Variants in TMTC4 observed in about 807,000 individuals in gnomAD.
The protein encoded by TMTC4 is protein O-mannosyl-transferase TMTC4.
TMTC4 carries 65 observed loss-of-function variants against 86.0 expected under a neutral mutation model. The ratio of observed to expected loss-of-function variants is 0.76; its 90% CI spans 0.62 to 0.93. The LOEUF (loss-of-function observed/expected upper bound fraction) is 0.93. Ranked by LOEUF, TMTC4 falls within the 40% of genes least tolerant of loss-of-function variation. The probability of loss-of-function intolerance (pLI) is 0.00; values close to 1 mark genes in which losing one functional copy is unlikely to be tolerated. For synonymous variants in TMTC4, 379 were observed against 382.5 expected (o/e 0.99, Z 0.11); for missense variants, 866 against 948.1 (o/e 0.91, Z 1.14).
chr13:100,618,729 A>G (rs1878965307), intron 15 of TMTC4, among the ~76,000 whole-genome samples: 1 of 152,114 alleles, frequency 6.6e-6, no homozygotes, highest in Non-Finnish European at 1.5e-5. Context: ...TGTTTAACAA[A>G]GCACATCTTG....
intron 5 of TMTC4, among the ~76,000 whole-genome samples, chr13:100,658,138 G>A (rs901438131): frequency 1.3e-5 from 2 of 152,174 alleles, no homozygotes; most frequent in African/African-American, 4.8e-5. Flanking sequence ...CTCAGGGCTG[G>A]AAACTCACTC....
At chr13:100,637,054 C>T (rs192610554) in intron 9 of TMTC4, among the ~76,000 whole-genome samples, 1 of 152,304 alleles carries the variant, frequency 6.6e-6, no homozygotes, top group Admixed American at 6.5e-5. Flanking sequence ...GTCACCTATA[C>T]ACCCAATAAC....
intron 2 of TMTC4, 144 bp downstream of exon 2, chr13:100,670,216 T>A (rs1886916406): frequency 1.2e-6 from 1 of 820,882 alleles, no homozygotes; most frequent in African/African-American, 1.8e-5. Context: ...TGGATGTATT[T>A]GTTTCTGGAT....
upstream of TMTC4, chr13:100,674,900 G>A (rs1887675802): frequency 4.1e-6 from 4 of 983,070 alleles, no homozygotes; most frequent in South Asian, 4.7e-5. Flanking sequence ...GCGCGCGGGC[G>A]CCCCCCAGCA....
At chr13:100,669,610 C>T (rs1886823669) in intron 2 of TMTC4, among the ~76,000 whole-genome samples, 1 of 152,140 alleles carries the variant, frequency 6.6e-6, no homozygotes, top group Non-Finnish European at 1.5e-5. Flanking sequence ...TCATCCTTGC[C>T]ATGTGTTAGT....
chr13:100,665,981 T>C (rs1192916329), intron 3 of TMTC4: 1 of 456,292 alleles, frequency 2.2e-6, no homozygotes, highest in African/African-American at 2.0e-5. Flanking sequence ...TCTTCTACAC[T>C]CTTACAGAAG....
intron 12 of TMTC4, among the ~76,000 whole-genome samples, chr13:100,632,053 A>ACACACACACACTCTCTCT (rs1296569630): frequency 1.0e-3 from 45 of 43,120 alleles, no homozygotes; most frequent in South Asian, 3.0e-3. Context: ...ACACACACAC[A>ACACACACACACTCTCTCT]CTCTCTCTCT....
chr13:100,672,227 C>A (rs1239293836), intron 1 of TMTC4, among the ~76,000 whole-genome samples: 2 of 152,244 alleles, frequency 1.3e-5, no homozygotes, highest in African/African-American at 4.8e-5. Context: ...GGGCTGAGCA[C>A]TAGGGCCAGC....
chr13:100,641,403 G>C (rs1161222511), intron 7 of TMTC4, among the ~76,000 whole-genome samples: 1 of 152,172 alleles, frequency 6.6e-6, no homozygotes, highest in Non-Finnish European at 1.5e-5. Context: ...GTGGAGGAAT[G>C]ACGAGAAGAG....
intron 17 of TMTC4, among the ~76,000 whole-genome samples, chr13:100,608,300 G>C (rs570363477): frequency 1.3e-5 from 2 of 152,336 alleles, no homozygotes; most frequent in Admixed American, 6.5e-5. Context: ...CCTTGTTAGA[G>C]GGCCACTGCT....
intron 4 of TMTC4, 94 bp downstream of exon 4, chr13:100,664,127 C>T (rs1886125146): frequency 1.8e-6 from 2 of 1,134,074 alleles, no homozygotes; most frequent in South Asian, 3.3e-5. Context: ...TGACTAGACT[C>T]CTGAATGCTG....
intron 3 of TMTC4, 108 bp downstream of exon 3, chr13:100,668,471 G>T: frequency 8.7e-7 from 1 of 1,153,494 alleles, no homozygotes; most frequent in Non-Finnish European, 1.2e-6. Flanking sequence ...CGGGGCCCAG[G>T]CCAATGCTTA....
At chr13:100,658,148 C>T (rs1441391292) in intron 5 of TMTC4, among the ~76,000 whole-genome samples, 2 of 152,162 alleles carry the variant, frequency 1.3e-5, no homozygotes, top group Non-Finnish European at 2.9e-5. Flanking sequence ...GAAACTCACT[C>T]CATCAGGGAC....
At chr13:100,662,246 G>A (rs1594368150) in intron 5 of TMTC4, among the ~76,000 whole-genome samples, 2 of 143,710 alleles carry the variant, frequency 1.4e-5, no homozygotes, top group Non-Finnish European at 1.5e-5. Flanking sequence ...GGTGATCAGG[G>A]TGAGGTGGAG....
Position 100,630,251 on chromosome 13 carries a change from G to C in TMTC4, c.1507-4101C>G, listed in dbSNP as rs1038049443. ...TACAGCACTTCGTCAAACATACTTA[G>C]ATTTCTGGAAGAATATGCAGCAGTG... On this transcript the variant is annotated intron_variant, in intron 12 of 18. Coordinates refer to ENST00000342624, the MANE Select transcript of TMTC4 (RefSeq NM_032813.5). Among the ~76,000 whole-genome samples the C allele has an allele frequency of 5.3e-5, 8 of 152,164 alleles. No individual in the cohort carries two copies. In the East Asian group the frequency reaches 1.5e-3, roughly 29 times the overall value.
At chr13:100,628,389 T>C (rs1880861285) in intron 12 of TMTC4, among the ~76,000 whole-genome samples, 1 of 152,182 alleles carries the variant, frequency 6.6e-6, no homozygotes, top group Admixed American at 6.5e-5. Context: ...GTTTGTCCAT[T>C]TGTCCCTGGA....
rs188829282 is a variant in TMTC4 at position 100,637,266 on chromosome 13, A to G, written c.999+272T>C. 2.5e-3 allele frequency among the ~76,000 whole-genome samples: 380 copies of G among 152,136 alleles called. 1 individual carries two copies. Among genetic ancestry groups the G allele is most frequent in the Non-Finnish European group, 3.3e-3 (224 of 67,996 alleles). Reference sequence around the variant, plus strand: ...CAGGGTTAGGGAGCCCTTTCACGGGACTGGCAAGGACCCTGATGTGAGAAG... The same window carrying G: ...CAGGGTTAGGGAGCCCTTTCACGGGGCTGGCAAGGACCCTGATGTGAGAAG... On this transcript the variant is annotated intron_variant, in intron 9 of 18. Coordinates refer to ENST00000342624, the MANE Select transcript of TMTC4 (RefSeq NM_032813.5).
Position 100,605,253 on chromosome 13 carries a change from G to A in TMTC4, c.2135-111C>T. On this transcript the variant is annotated intron_variant, in intron 18 of 18. Transcript: ENST00000342624. The surrounding 1 kb of genome is among the most constrained non-coding windows in gnomAD (Gnocchi z 4.3). ...GATCCTATGCAAACAGTTTTCAAAA[G>A]TCAATTGTATGAAACAATATTGTTT... 10 of 1,256,714 alleles carry A rather than the reference G, an allele frequency of 8.0e-6. No individual in the cohort carries two copies. The highest frequency in any genetic ancestry group is 1.1e-5 in the Non-Finnish European group (10 of 912,366). The allele number at this position is 1,256,714 out of a possible 1,614,324, so 77.8% of individuals were successfully genotyped here. A position where few individuals can be genotyped will look rare whatever the true frequency, so the allele number is the denominator to read the frequency against.
At position 100,664,314 on chromosome 13, in the gene TMTC4, A is replaced by G. The variant is rs1216280559; in HGVS notation, c.242T>C (p.Leu81Pro). The change falls in exon 4 of 19, where the codon CTG becomes CCG. Residue 81 changes from leucine to proline, a missense_variant. Leu to Pro is a moderately conservative substitution (Grantham distance 98, BLOSUM62 -3). Coordinates refer to ENST00000342624, the MANE Select transcript of TMTC4 (RefSeq NM_032813.5). ...NNKDLQAETPLGDLWHHDFWG... is the reference protein window; with the variant it reads ...NNKDLQAETPPGDLWHHDFWG... ...GAAGTCATGATGCCACAGGTCCCCC[A>G]GGGGCGTTTCTGCTTGGAGGTCCTG... 1 of 1,610,420 alleles carries G rather than the reference A, an allele frequency of 6.2e-7. No homozygotes were observed. Among genetic ancestry groups the G allele is most frequent in the Admixed American group, 1.7e-5 (1 of 59,662 alleles).
Sources: allele counts gnomAD v4.1 joint callset (sites outside exome capture counted in the v4.1 genomes callset), GRCh38; gene constraint gnomAD v4.1.1; non-coding constraint Gnocchi (gnomAD v3.1); transcripts MANE v1.5; gene names NCBI Gene and HGNC (gene_info 2026-07-23, HGNC 2026-07-21).